VAC14: variants seen among roughly 807,000 people sequenced by gnomAD.
VAC14 encodes the protein protein VAC14 homolog.
A neutral mutation model predicts 85.3 loss-of-function variants in VAC14; 47 were observed. That is an observed-to-expected ratio of 0.55 (90% CI 0.44 to 0.70). The LOEUF (loss-of-function observed/expected upper bound fraction) is 0.70, where lower values mean the gene tolerates loss of function less well. VAC14 is among the 30% of genes least tolerant of loss of function. VAC14 has a pLI of 0.00. For missense variants in VAC14, 861 were observed against 1,004.3 expected, an observed-to-expected ratio of 0.86 and a Z score of 1.93; for synonymous variants, 447 against 430.5, an observed-to-expected ratio of 1.04 and a Z score of -0.47.
chr16:70,784,322 C>T, intron 4 of VAC14, 102 bp from the exon 5 acceptor site: 1 of 911,326 alleles, frequency 1.1e-6, no homozygotes, highest in Non-Finnish European at 1.7e-6. Context: ...CAGGCGGCCA[C>T]CAAGGAAAAT....
chr16:70,765,491 C>T (rs1417734727), intron 10 of VAC14, among the ~76,000 whole-genome samples: 1 of 152,176 alleles, frequency 6.6e-6, no homozygotes, highest in Admixed American at 6.5e-5. Flanking sequence ...TCAAGTCACT[C>T]CTTAAAAAGC....
At chr16:70,730,040 C>G (rs917286742) in intron 14 of VAC14, among the ~76,000 whole-genome samples, 1 of 151,988 alleles carries the variant, frequency 6.6e-6, no homozygotes, top group Non-Finnish European at 1.5e-5. Context: ...ACCATCCACC[C>G]GCTGCCCAAA....
chr16:70,711,467 T>C (rs1451366168), intron 14 of VAC14, among the ~76,000 whole-genome samples: 1 of 152,044 alleles, frequency 6.6e-6, no homozygotes, highest in African/African-American at 2.4e-5. Context: ...TGCTTGGCAT[T>C]TCACTGTTTC....
chr16:70,790,056 C>T (rs1598020316), intron 1 of VAC14, among the ~76,000 whole-genome samples: 1 of 152,262 alleles, frequency 6.6e-6, no homozygotes, highest in East Asian at 1.9e-4. Context: ...GAGAGCTATT[C>T]CCTGCCCCCA....
chr16:70,713,294 G>A (rs970814722), intron 14 of VAC14, among the ~76,000 whole-genome samples: 17 of 152,210 alleles, frequency 1.1e-4, no homozygotes, highest in Admixed American at 7.9e-4. Context: ...AAAAGCTACC[G>A]TGCGCGAACA....
intron 13 of VAC14, among the ~76,000 whole-genome samples, chr16:70,731,962 A>G (rs2054604326): frequency 6.6e-6 from 1 of 152,192 alleles, no homozygotes; most frequent in African/African-American, 2.4e-5. Context: ...GCTAGGTGCC[A>G]TGATTTTTTT....
rs371342024 is a variant in VAC14, at chr16:70,745,364, C to A, written c.1372-785G>T. Among the ~76,000 whole-genome samples, 87 of 152,354 alleles carry A rather than the reference C, an allele frequency of 5.7e-4. 1 individual carries two copies. Among genetic ancestry groups the A allele is most frequent in the African/African-American group, 1.9e-3 (79 of 41,580 alleles). On this transcript the variant is annotated intron_variant, in intron 12 of 18. Transcript: ENST00000261776. ...TCCTTAGAAGCTGCCTCTCCTCGCA[C>A]AGCACCCATCTTTGCCTGGCACCAA...
rs141012935 is a variant in VAC14 at position 70,786,348 on chromosome 16, A to G, written c.122T>C (p.Val41Ala). The G allele has an allele frequency of 3.7e-6, 6 of 1,614,002 alleles. No homozygotes were observed. The African/African-American group carries it at 8.0e-5, about 22-fold the overall frequency. The change falls in exon 2 of 19, where the codon GTG (valine) becomes GCG (alanine). Residue 41 changes from valine (V) to alanine (A), a missense_variant. Coordinates refer to ENST00000261776, the MANE Select transcript of VAC14 (RefSeq NM_018052.5). Reference protein sequence around the residue: ...LEIEKLVREFVAQNNTVQIKH... With the variant: ...LEIEKLVREFAAQNNTVQIKH... Reference sequence around the variant, plus strand: ...GATTTGCACGGTATTGTTCTGGGCCACGAACTCCCGGACCAGCCTGGAGAG... The same window carrying G: ...GATTTGCACGGTATTGTTCTGGGCCGCGAACTCCCGGACCAGCCTGGAGAG...
At chr16:70,713,252 G>A (rs958948561) in intron 14 of VAC14, among the ~76,000 whole-genome samples, 1 of 152,192 alleles carries the variant, frequency 6.6e-6, no homozygotes, top group African/African-American at 2.4e-5. Flanking sequence ...TCTTATCAAT[G>A]GAGACGAAGC....
At chr16:70,732,530 C>T (rs1425824395) in intron 13 of VAC14, among the ~76,000 whole-genome samples, 5 of 152,126 alleles carry the variant, frequency 3.3e-5, no homozygotes, top group Admixed American at 3.3e-4. Flanking sequence ...ATCTGTATGC[C>T]CGTTGGTATC....
chr16:70,720,390 C>T (rs779552592), intron 14 of VAC14, among the ~76,000 whole-genome samples: 4 of 152,170 alleles, frequency 2.6e-5, no homozygotes, highest in Non-Finnish European at 5.9e-5. Flanking sequence ...TTGAGGCTGC[C>T]ACACCGCTTT....
At chr16:70,792,323 G>A (rs547010452) in intron 1 of VAC14, among the ~76,000 whole-genome samples, 43 of 152,264 alleles carry the variant, frequency 2.8e-4, no homozygotes, top group Admixed American at 1.5e-3. Context: ...AGAGGTGGGG[G>A]ATCTGAGGCT....
intron 14 of VAC14, among the ~76,000 whole-genome samples, chr16:70,720,461 AG>A (rs1303559832): frequency 6.6e-6 from 1 of 152,332 alleles, no homozygotes; most frequent in East Asian, 1.9e-4. Context: ...GTGGTAAGAA[AG>A]GGAGAACGCT....
chr16:70,739,769 T>C (rs1304182513), intron 13 of VAC14, among the ~76,000 whole-genome samples: 1 of 152,200 alleles, frequency 6.6e-6, no homozygotes, highest in Non-Finnish European at 1.5e-5. Flanking sequence ...AAAATGGCTT[T>C]CTGGCTTTCT....
chr16:70,712,873 GC>G (rs2054064987), intron 14 of VAC14, among the ~76,000 whole-genome samples: 2 of 152,202 alleles, frequency 1.3e-5, no homozygotes, highest in Admixed American at 1.3e-4. Context: ...GAGAGGCTTG[GC>G]GACGGAGCCC....
chr16:70,735,973 A>T (rs1187637805), intron 13 of VAC14, among the ~76,000 whole-genome samples: 1 of 152,222 alleles, frequency 6.6e-6, no homozygotes, highest in African/African-American at 2.4e-5. Context: ...AGCTGTTGAG[A>T]CAGCCCTGCC....
At chr16:70,705,958 G>C (rs888927898) in intron 14 of VAC14, among the ~76,000 whole-genome samples, 1 of 152,202 alleles carries the variant, frequency 6.6e-6, no homozygotes, top group African/African-American at 2.4e-5. Context: ...GGCCTCACTG[G>C]ATACAGATAC....
chr16:70,743,265 G>A (rs2030534802), intron 13 of VAC14, among the ~76,000 whole-genome samples: 1 of 152,172 alleles, frequency 6.6e-6, no homozygotes, highest in Admixed American at 6.5e-5. Flanking sequence ...GATTGTAAAC[G>A]TACCAATCAG....
intron 10 of VAC14, chr16:70,768,697 C>T (rs780446958): frequency 1.5e-5 from 6 of 392,628 alleles, no homozygotes; most frequent in African/African-American, 8.5e-5. Flanking sequence ...CCCTGTGTTT[C>T]GGTCCAAGTG....
Sources: allele counts gnomAD v4.1 joint callset (sites outside exome capture counted in the v4.1 genomes callset), GRCh38; gene constraint gnomAD v4.1.1; transcripts MANE v1.5; gene names NCBI Gene and HGNC (gene_info 2026-07-23, HGNC 2026-07-21).